The following AGMO variants were observed in gnomAD, a reference collection of about 807,000 sequenced individuals.
The protein encoded by AGMO is glyceryl-ether monooxygenase.
A neutral mutation model predicts 60.2 loss-of-function variants in AGMO; 75 were observed. That is an observed-to-expected ratio of 1.25 (90% CI 1.03 to 1.51). The LOEUF is 1.51. Ranked by LOEUF, AGMO falls within the 40% of genes most tolerant of loss-of-function variation. The pLI is 0.00. For missense variants in AGMO, 763 were observed against 525.5 expected, an observed-to-expected ratio of 1.45 and a Z score of -4.42; for synonymous variants, 261 against 177.1, an observed-to-expected ratio of 1.47 and a Z score of -3.76.
intron 12 of AGMO, among the ~76,000 whole-genome samples, chr7:15,227,203 A>G (rs560697788): frequency 2.7e-4 from 41 of 152,204 alleles, no homozygotes; most frequent in African/African-American, 8.9e-4. Context: ...GCAGTCTAAC[A>G]TAAGAGTATA....
chr7:15,309,871 G>C (rs1313587409), intron 12 of AGMO, among the ~76,000 whole-genome samples: 3 of 152,082 alleles, frequency 2.0e-5, no homozygotes, highest in Admixed American at 6.6e-5. Flanking sequence ...CTATTGGAAA[G>C]TATACTGGCT....
chr7:15,154,931 A>G, the AGMO span, among the ~76,000 whole-genome samples: 1 of 152,132 alleles, frequency 6.6e-6, no homozygotes, highest in African/African-American at 2.4e-5. Context: ...GGCTTCTAAT[A>G]TCTTCTGCCT....
At chr7:15,273,367 C>T (rs896128323) in intron 12 of AGMO, among the ~76,000 whole-genome samples, 1 of 152,150 alleles carries the variant, frequency 6.6e-6, no homozygotes, top group Admixed American at 6.5e-5. Context: ...TTTCCCAGCA[C>T]CATTTATTAA....
chr7:15,169,787 G>A, the AGMO span, among the ~76,000 whole-genome samples: 1,018 of 152,286 alleles, frequency 6.7e-3, 13 homozygotes, highest in African/African-American at 0.023. Context: ...TCAGTAATGT[G>A]ATCACCAAGT....
chr7:15,173,047 T>C, the AGMO span, among the ~76,000 whole-genome samples: 2 of 152,324 alleles, frequency 1.3e-5, no homozygotes, highest in East Asian at 1.9e-4. Flanking sequence ...TCCTCTATAC[T>C]TTTTACTAAA....
intron 12 of AGMO, among the ~76,000 whole-genome samples, chr7:15,302,300 A>T (rs1419372712): frequency 6.6e-6 from 1 of 152,150 alleles, no homozygotes; most frequent in Non-Finnish European, 1.5e-5. Context: ...GAGAAATTTG[A>T]TTTTAATTTA....
At chr7:15,454,850 C>A (rs1490948917) in intron 3 of AGMO, among the ~76,000 whole-genome samples, 1 of 151,984 alleles carries the variant, frequency 6.6e-6, no homozygotes, top group African/African-American at 2.4e-5. Context: ...GGCATATAAA[C>A]AAAAACAGCA....
intron 12 of AGMO, among the ~76,000 whole-genome samples, chr7:15,319,901 T>G (rs1336754294): frequency 6.6e-6 from 1 of 152,102 alleles, no homozygotes; most frequent in Non-Finnish European, 1.5e-5. Context: ...ATTATCTAGA[T>G]AGTATAAAAC....
At chr7:15,134,474 C>T in the AGMO span, among the ~76,000 whole-genome samples, 1 of 152,144 alleles carries the variant, frequency 6.6e-6, no homozygotes, top group African/African-American at 2.4e-5. Flanking sequence ...CTCAAGTAGG[C>T]CCTGGTGTTG....
chr7:15,404,283 T>A (rs1225783403), intron 5 of AGMO, among the ~76,000 whole-genome samples: 5 of 151,912 alleles, frequency 3.3e-5, no homozygotes, highest in Non-Finnish European at 5.9e-5. Flanking sequence ...GAAGGCTGAT[T>A]CTTGTCACTT....
the AGMO span, among the ~76,000 whole-genome samples, chr7:15,120,013 C>T: frequency 6.6e-6 from 1 of 151,310 alleles, no homozygotes; most frequent in South Asian, 2.1e-4. Context: ...AACATCTTTC[C>T]AACAATTCAC....
chr7:15,525,918 C>T (rs762508233), intron 3 of AGMO, among the ~76,000 whole-genome samples: 153 of 152,346 alleles, frequency 1.0e-3, no homozygotes, highest in Middle Eastern at 6.8e-3. Context: ...CTGCATTCCC[C>T]TCGTCTGAAC....
intron 12 of AGMO, among the ~76,000 whole-genome samples, chr7:15,299,314 T>C (rs1784491826): frequency 6.6e-6 from 1 of 152,180 alleles, no homozygotes; most frequent in Non-Finnish European, 1.5e-5. Flanking sequence ...TCTTTTTCTC[T>C]GACCTGTGCT....
At chr7:15,316,193 G>C (rs1780919612) in intron 12 of AGMO, among the ~76,000 whole-genome samples, 1 of 152,162 alleles carries the variant, frequency 6.6e-6, no homozygotes, top group Admixed American at 6.5e-5. Flanking sequence ...CAGTAATGGA[G>C]AGGACAGAAC....
At chr7:15,447,944 G>C (rs986442559) in intron 3 of AGMO, among the ~76,000 whole-genome samples, 2 of 152,126 alleles carry the variant, frequency 1.3e-5, no homozygotes, top group Non-Finnish European at 1.5e-5. Flanking sequence ...AAACAGAATG[G>C]GGGGTTTTGT....
At position 15,401,511 on chromosome 7, in the gene AGMO, G is replaced by C. The variant is rs185726164; in HGVS notation, c.610-7332C>G. Among the ~76,000 whole-genome samples the C allele has an allele frequency of 4.9e-3, 749 of 152,172 alleles. 1 individual carries two copies. Among genetic ancestry groups the C allele is most frequent in the Middle Eastern group, 0.01 (3 of 294 alleles). On this transcript the variant is annotated intron_variant, in intron 5 of 12. Transcript: ENST00000342526. ...CCTCTTACCTCATTCTGACTATTGA[G>C]GTTGGAGAAGAGACTTCCTAAATAT...
intron 3 of AGMO, among the ~76,000 whole-genome samples, chr7:15,531,728 G>A (rs532662397): frequency 2.3e-4 from 34 of 147,834 alleles, no homozygotes; most frequent in Admixed American, 1.1e-3. Context: ...TAGGCTCATC[G>A]CACCCTCTGG....
chr7:15,379,355 T>C (rs959493011), intron 10 of AGMO, among the ~76,000 whole-genome samples: 2 of 151,920 alleles, frequency 1.3e-5, no homozygotes, highest in South Asian at 2.1e-4. Context: ...ATTAATCAAG[T>C]AGAAAAACTG....
intron 12 of AGMO, among the ~76,000 whole-genome samples, chr7:15,339,391 T>C (rs1186502004): frequency 6.6e-6 from 1 of 152,184 alleles, no homozygotes; most frequent in East Asian, 1.9e-4. Context: ...ACTGAGTTAT[T>C]TGAGGATAAG....
Sources: gnomAD v4.1 joint callset for allele counts (sites outside exome capture counted in the v4.1 genomes callset) on GRCh38, gnomAD v4.1.1 for gene constraint, MANE v1.5 for transcripts, NCBI Gene and HGNC (gene_info 2026-07-23, HGNC 2026-07-21) for gene names.